Variants in ZMYND8 observed in about 807,000 individuals in gnomAD.
The protein encoded by ZMYND8 is MYND-type zinc finger-containing chromatin reader ZMYND8.
In ZMYND8, 37 loss-of-function variants were observed where a neutral mutation model predicts 140.8. The ratio of observed to expected loss-of-function variants is 0.26; its 90% CI spans 0.20 to 0.35. The LOEUF (loss-of-function observed/expected upper bound fraction) is 0.35, where lower values mean the gene tolerates loss of function less well. Ranked by LOEUF, ZMYND8 falls within the 10% of genes least tolerant of loss-of-function variation. The pLI is 1.00. For synonymous variants in ZMYND8, 592 were observed against 597.1 expected, an observed-to-expected ratio of 0.99 and a Z score of 0.12; for missense variants, 1,068 against 1,570.0, an observed-to-expected ratio of 0.68 and a Z score of 5.40.
intron 11 of ZMYND8, among the ~76,000 whole-genome samples, chr20:47,273,048 A>G (rs1335453915): frequency 6.6e-6 from 1 of 152,108 alleles, no homozygotes; most frequent in Non-Finnish European, 1.5e-5. Context: ...GGGGACTTTC[A>G]CACCTCCCTT....
intron 21 of ZMYND8, among the ~76,000 whole-genome samples, chr20:47,214,812 C>T (rs2146807725): frequency 6.6e-6 from 1 of 152,238 alleles, no homozygotes; most frequent in South Asian, 2.1e-4. Flanking sequence ...GGGGCTAAAT[C>T]TCTTTTAGTG....
At chr20:47,218,965 C>T (rs2036522772) in intron 21 of ZMYND8, among the ~76,000 whole-genome samples, 1 of 151,890 alleles carries the variant, frequency 6.6e-6, no homozygotes, top group African/African-American at 2.4e-5. Flanking sequence ...GCCTGTAATC[C>T]CAGCACTTCC....
At chr20:47,212,098 T>C (rs985268949) in intron 22 of ZMYND8, among the ~76,000 whole-genome samples, 7 of 152,254 alleles carry the variant, frequency 4.6e-5, no homozygotes, top group African/African-American at 1.7e-4. Context: ...TATGCTTTTA[T>C]TTCTCCGGAA....
At chr20:47,267,206 G>C (rs1271753173) in intron 11 of ZMYND8, among the ~76,000 whole-genome samples, 2 of 151,196 alleles carry the variant, frequency 1.3e-5, no homozygotes, top group Non-Finnish European at 2.9e-5. Context: ...AGTTCAAACA[G>C]AACACAAATT....
Position 47,236,353 on chromosome 20 carries a change from G to T in ZMYND8, c.2829C>A (p.Ala943=). 1 of 1,614,152 alleles carries T rather than the reference G, an allele frequency of 6.2e-7. No homozygotes were observed. The highest frequency in any genetic ancestry group is 8.5e-7 in the Non-Finnish European group (1 of 1,180,026). The change falls in exon 16 of 23, where the codon GCC becomes GCA. Residue 943 remains alanine (A), a synonymous_variant. Transcript: ENST00000471951. The part of the protein sequence containing the change: ...LPIATASADV[A]ADIAKYTSKM... ...TGCTAGTGTACTTGGCAATATCAGC[G>T]GCGACATCAGCTGAGGCAGTGGCGA...
At chr20:47,309,338 G>A (rs569803899) in intron 3 of ZMYND8, among the ~76,000 whole-genome samples, 1 of 150,344 alleles carries the variant, frequency 6.7e-6, no homozygotes, top group Non-Finnish European at 1.5e-5. Context: ...ATAGAGTCTC[G>A]CTCTGTCACC....
In ZMYND8 at chr20:47,276,304, C is replaced by A. The variant is rs200522620; in HGVS notation, c.1480+10G>T. 1 of 1,522,768 alleles carries A rather than the reference C, an allele frequency of 6.6e-7. No individual in the cohort carries two copies. Among genetic ancestry groups the A allele is most frequent in the Admixed American group, 2.0e-5 (1 of 48,840 alleles). 94.3% of individuals were successfully genotyped at this position (1,522,768 alleles called of 1,614,324 possible). ...GGGGCCTCCTCCCCGCTCCCCCGCA[C>A]GGAGCTGACCTGTGCTCTTATCCAG... is the stretch of plus-strand genomic sequence containing the variant. On this transcript the variant is annotated intron_variant, in intron 11 of 22. Transcript: ENST00000471951.
At chr20:47,216,129 CAG>C (rs968898216) in intron 21 of ZMYND8, among the ~76,000 whole-genome samples, 8 of 152,142 alleles carry the variant, frequency 5.3e-5, no homozygotes, top group African/African-American at 1.9e-4. Context: ...AGGTCCAAAA[CAG>C]AGCAGAGAAC....
At chr20:47,220,377 C>G in intron 20 of ZMYND8, 53 bp from the exon 21 acceptor site, 1 of 1,437,344 alleles carries the variant, frequency 7.0e-7, no homozygotes, top group Non-Finnish European at 9.6e-7. Flanking sequence ...CTACTGTCGC[C>G]CCCACAGGGA....
At position 47,236,343 on chromosome 20, in the gene ZMYND8, C is replaced by T. The variant is rs2039236575; in HGVS notation, c.2839G>A (p.Ala947Thr). ...TASADVAADIAKYTSKMMDAI... is the reference protein window; with the variant it reads ...TASADVAADITKYTSKMMDAI... The stretch of plus-strand genomic sequence containing the variant: ...CCACTCACTTTGCTAGTGTACTTGG[C>T]AATATCAGCGGCGACATCAGCTGAG... The change falls in exon 16 of 23, where the codon GCC (alanine) becomes ACC (threonine). Residue 947 changes from alanine to threonine, a missense_variant. Transcript: ENST00000471951. 6.2e-7 allele frequency: 1 copy of T among 1,614,112 alleles called. No homozygotes were observed. Among genetic ancestry groups the T allele is most frequent in the African/African-American group, 1.3e-5 (1 of 74,944 alleles).
rs562973589 is a variant in ZMYND8, at chr20:47,283,971, G to A, written c.805-323C>T. Reference sequence around the variant, plus strand: ...AGAGTCTCACTCTGCTGCCCAGGCTGGAGTGCAGTGGCCCGATCTGGGCTC... The same window carrying A: ...AGAGTCTCACTCTGCTGCCCAGGCTAGAGTGCAGTGGCCCGATCTGGGCTC... On this transcript the variant is annotated intron_variant, in intron 8 of 22. Transcript: ENST00000471951. Among the ~76,000 whole-genome samples, 32 of 152,078 alleles carry A rather than the reference G, an allele frequency of 2.1e-4. No homozygotes were observed. In the South Asian group the frequency reaches 6.7e-3, roughly 32 times the overall value.
intron 1 of ZMYND8, chr20:47,349,878 C>T (rs1292299032): frequency 2.0e-5 from 31 of 1,535,420 alleles, no homozygotes; most frequent in Middle Eastern, 1.7e-4. Flanking sequence ...ATTTCTGCAG[C>T]GATGAAAACA....
At chr20:47,309,998 C>A in intron 3 of ZMYND8, 58 bp downstream of exon 3, 3 of 1,608,008 alleles carry the variant, frequency 1.9e-6, no homozygotes, top group Non-Finnish European at 2.5e-6. Context: ...AGAGGTTCAG[C>A]GCTACTAGCT....
At chr20:47,325,937 A>AATTTT (rs764985646) in intron 2 of ZMYND8, among the ~76,000 whole-genome samples, 32 of 151,578 alleles carry the variant, frequency 2.1e-4, no homozygotes, top group Non-Finnish European at 4.6e-4. Context: ...ACACCCAGCT[A>AATTTT]ATTTTATTTT....
intron 14 of ZMYND8, 60 bp from the exon 15 acceptor site, chr20:47,239,198 C>T (rs1568957264): frequency 6.8e-7 from 1 of 1,462,840 alleles, no homozygotes; most frequent in East Asian, 2.3e-5. Context: ...TTCACCTGCA[C>T]GGTCTTGACG....
At position 47,266,748 on chromosome 20, in the gene ZMYND8, G is replaced by A. The variant is rs770755891; in HGVS notation, c.1481-4320C>T. Among the ~76,000 whole-genome samples, 9 of 152,058 alleles carry A rather than the reference G, an allele frequency of 5.9e-5. 1 individual carries two copies. The highest frequency in any genetic ancestry group is 1.9e-4 in the East Asian group (1 of 5,196). On this transcript the variant is annotated intron_variant, in intron 11 of 22. Transcript: ENST00000471951. ...CAACAGGGACCATATGGCCCCCAAC[G>A]GGGCAAAAATAATTTTTAGGGGGTG... is the stretch of plus-strand genomic sequence containing the variant.
chr20:47,354,767 GA>G (rs2083082435), intron 1 of ZMYND8: 1 of 152,130 alleles, frequency 6.6e-6, no homozygotes, highest in South Asian at 2.1e-4. Flanking sequence ...TTTATGTACT[GA>G]ACTTCTAGGG....
At chr20:47,233,205 C>CTTT (rs1174729822) in intron 16 of ZMYND8, among the ~76,000 whole-genome samples, 3,210 of 91,298 alleles carry the variant, frequency 0.035, 411 homozygotes, top group African/African-American at 0.15. Flanking sequence ...CCGCACCAGG[C>CTTT]TTTTTTTTTT....
chr20:47,232,217 C>CA (rs931971601), intron 16 of ZMYND8, among the ~76,000 whole-genome samples: 27 of 152,052 alleles, frequency 1.8e-4, no homozygotes, highest in African/African-American at 6.5e-4. Context: ...ACCAAAAATA[C>CA]AAAAATTAGC....
Sources: allele counts gnomAD v4.1 joint callset (sites outside exome capture counted in the v4.1 genomes callset), GRCh38; gene constraint gnomAD v4.1.1; transcripts MANE v1.5; gene names NCBI Gene and HGNC (gene_info 2026-07-23, HGNC 2026-07-21).